Variants in PCDH9 observed in about 807,000 individuals in gnomAD.
PCDH9 encodes protocadherin-9.
PCDH9 carries 24 observed loss-of-function variants against 70.6 expected under a neutral mutation model. That is an observed-to-expected ratio of 0.34 (90% CI 0.25 to 0.48). The LOEUF (loss-of-function observed/expected upper bound fraction) is 0.48. PCDH9 is among the 20% of genes least tolerant of loss of function. The pLI is 0.99. For synonymous variants in PCDH9, 562 were observed against 558.5 expected, an observed-to-expected ratio of 1.01 and a Z score of -0.09; for missense variants, 1,281 against 1,503.6, an observed-to-expected ratio of 0.85 and a Z score of 2.45.
chr13:66,506,811 A>G (rs1002856122), intron 4 of PCDH9, among the ~76,000 whole-genome samples: 1 of 152,254 alleles, frequency 6.6e-6, no homozygotes, highest in African/African-American at 2.4e-5. Context: ...CTGTAAAACC[A>G]CCTTTGCTTT....
intron 2 of PCDH9, among the ~76,000 whole-genome samples, chr13:67,164,384 G>T (rs1292933535): frequency 6.6e-6 from 1 of 151,922 alleles, no homozygotes; most frequent in Non-Finnish European, 1.5e-5. Flanking sequence ...AGACCAGCCT[G>T]GCCAAGATAA....
At chr13:66,927,107 C>T (rs1030289816) in intron 2 of PCDH9, among the ~76,000 whole-genome samples, 1 of 151,992 alleles carries the variant, frequency 6.6e-6, no homozygotes, top group Non-Finnish European at 1.5e-5. Flanking sequence ...GGTTTAATTT[C>T]AGCTCTGAAT....
rs56280836 is a variant in PCDH9 at position 66,681,950 on chromosome 13, C to CATATATATATATATATATATATATATAT, written c.3139-50540_3139-50539insATATATATATATATATATATATATATAT. Among the ~76,000 whole-genome samples the CATATATATATATATATATATATATATAT allele has an allele frequency of 2.8e-3, 365 of 130,220 alleles. 3 individuals carry two copies. Among genetic ancestry groups the CATATATATATATATATATATATATATAT allele is most frequent in the African/African-American group, 7.2e-3 (232 of 32,100 alleles). 85.4% of individuals were successfully genotyped at this position (130,220 alleles called of 152,430 possible). A position where few individuals can be genotyped will look rare whatever the true frequency, so the allele number is the denominator to read the frequency against. ...CTGGGTACATATGAGTATATACAAA[C>CATATATATATATATATATATATATATAT]ATATATATATATATATATTTGAGAG... On this transcript the variant is annotated intron_variant, in intron 3 of 4. Transcript: ENST00000377865.
chr13:66,775,705 C>A (rs1293696844), intron 3 of PCDH9, among the ~76,000 whole-genome samples: 1 of 152,174 alleles, frequency 6.6e-6, no homozygotes, highest in Non-Finnish European at 1.5e-5. Flanking sequence ...ATAACGTACA[C>A]AATATGTGTT....
At chr13:66,784,080 A>G (rs1020931387) in intron 3 of PCDH9, among the ~76,000 whole-genome samples, 1 of 152,172 alleles carries the variant, frequency 6.6e-6, no homozygotes, top group African/African-American at 2.4e-5. Flanking sequence ...ATTATTTAGC[A>G]TAGAAATTTA....
At chr13:66,763,474 T>C (rs1210247890) in intron 3 of PCDH9, among the ~76,000 whole-genome samples, 4 of 152,070 alleles carry the variant, frequency 2.6e-5, no homozygotes, top group Admixed American at 1.3e-4. Flanking sequence ...AGATTTAAAA[T>C]GTACCCAATA....
intron 2 of PCDH9, among the ~76,000 whole-genome samples, chr13:67,033,886 C>T (rs1042721010): frequency 2.6e-5 from 4 of 152,104 alleles, no homozygotes; most frequent in African/African-American, 9.7e-5. Context: ...CATTTATTCA[C>T]GGAAGACAGT....
At chr13:66,723,920 G>A (rs1593955337) in intron 3 of PCDH9, among the ~76,000 whole-genome samples, 1 of 152,108 alleles carries the variant, frequency 6.6e-6, no homozygotes, top group African/African-American at 2.4e-5. Context: ...CCCATCCCAA[G>A]GATAGTCCTT....
chr13:66,496,371 T>G (rs1275348086), intron 4 of PCDH9, among the ~76,000 whole-genome samples: 2 of 152,184 alleles, frequency 1.3e-5, no homozygotes, highest in Admixed American at 1.3e-4. Context: ...CACATTTTCA[T>G]GTAGCTACTG....
chr13:66,672,053 A>C (rs2078182524), intron 3 of PCDH9, among the ~76,000 whole-genome samples: 1 of 152,154 alleles, frequency 6.6e-6, no homozygotes, highest in Non-Finnish European at 1.5e-5. Context: ...AAATGGTTTC[A>C]TGAGCTGGGT....
chr13:67,073,273 G>A (rs1230305262), intron 2 of PCDH9, among the ~76,000 whole-genome samples: 2 of 151,856 alleles, frequency 1.3e-5, no homozygotes, highest in African/African-American at 4.8e-5. Context: ...GAATGGATCT[G>A]GAAAATTGTC....
At chr13:67,210,572 T>C (rs188935008) in intron 2 of PCDH9, 159 of 152,006 alleles carry the variant, frequency 1.0e-3, no homozygotes, top group Middle Eastern at 6.8e-3. Context: ...TGCCAAGGAG[T>C]AATGTTTCCC....
intron 4 of PCDH9, among the ~76,000 whole-genome samples, chr13:66,598,973 C>T (rs1450547158): frequency 6.6e-6 from 1 of 151,776 alleles, no homozygotes; most frequent in Admixed American, 6.6e-5. Context: ...TACTAGCTTT[C>T]CTTAGAGCTG....
At position 67,131,943 on chromosome 13, in the gene PCDH9, T is replaced by C. The variant is rs559800337; in HGVS notation, c.3036+93462A>G. On this transcript the variant is annotated intron_variant, in intron 2 of 4. Coordinates refer to ENST00000377865, the MANE Select transcript of PCDH9 (RefSeq NM_203487.3). ...AGACCATTTTTCAATAAGAACTCAA[T>C]GCCTGCCTATCCATCCATCAGCACA... Among the ~76,000 whole-genome samples the C allele has an allele frequency of 2.0e-5, 3 of 152,296 alleles. No individual in the cohort carries two copies. The East Asian group carries it at 5.8e-4, about 29-fold the overall frequency.
chr13:66,807,829 G>A (rs1199584458), intron 3 of PCDH9, among the ~76,000 whole-genome samples: 2 of 152,072 alleles, frequency 1.3e-5, no homozygotes, highest in Non-Finnish European at 2.9e-5. Flanking sequence ...TCTTTACTTT[G>A]CAGAGGTGTT....
At chr13:66,716,707 T>C (rs1001982738) in intron 3 of PCDH9, among the ~76,000 whole-genome samples, 6 of 152,194 alleles carry the variant, frequency 3.9e-5, no homozygotes, top group Non-Finnish European at 5.9e-5. Context: ...ATAAAATTTC[T>C]TGGCTGACCT....
intron 3 of PCDH9, among the ~76,000 whole-genome samples, chr13:66,874,476 C>T (rs2081760030): frequency 6.6e-6 from 1 of 152,108 alleles, no homozygotes; most frequent in African/African-American, 2.4e-5. Context: ...GATAAACATA[C>T]TTCATGGATC....
intron 2 of PCDH9, among the ~76,000 whole-genome samples, chr13:66,955,448 T>C (rs181572621): frequency 1.7e-3 from 260 of 152,294 alleles, no homozygotes; most frequent in Middle Eastern, 6.8e-3. Context: ...ATCAAGCACA[T>C]ATAATGCTTA....
intron 4 of PCDH9, among the ~76,000 whole-genome samples, chr13:66,617,990 C>G (rs1024765627): frequency 6.6e-6 from 1 of 152,132 alleles, no homozygotes; most frequent in Non-Finnish European, 1.5e-5. Context: ...CTCTAGCCAG[C>G]CTGCGCACTG....
Sources: allele counts gnomAD v4.1 joint callset (sites outside exome capture counted in the v4.1 genomes callset), GRCh38; gene constraint gnomAD v4.1.1; transcripts MANE v1.5; gene names NCBI Gene and HGNC (gene_info 2026-07-23, HGNC 2026-07-21).